The following EYS variants were observed in gnomAD, a reference collection of about 807,000 sequenced individuals.
EYS encodes EGF-like photoreceptor maintenance factor, also known as protein eyes shut homolog.
Under a neutral mutation model 282.1 loss-of-function variants are expected in EYS, and 250 were observed. The observed-to-expected ratio is 0.89, with a 90% CI of 0.80 to 0.98. The LOEUF (loss-of-function observed/expected upper bound fraction) is 0.98. Ranked by LOEUF, EYS falls within the 50% of genes least tolerant of loss-of-function variation. EYS has a pLI of 0.00. For synonymous variants in EYS, 1,355 were observed against 1,282.9 expected (o/e 1.06, Z -1.20); for missense variants, 4,016 against 3,709.0 (o/e 1.08, Z -2.15).
At chr6:64,495,698 C>T (rs986551670) in intron 26 of EYS, among the ~76,000 whole-genome samples, 7 of 151,732 alleles carry the variant, frequency 4.6e-5, no homozygotes, top group African/African-American at 7.2e-5. Context: ...TAGAGTAAGA[C>T]GTTAAACCTT....
At chr6:64,562,512 A>T (rs2149812578) in intron 26 of EYS, among the ~76,000 whole-genome samples, 1 of 152,016 alleles carries the variant, frequency 6.6e-6, no homozygotes, top group South Asian at 2.1e-4. Flanking sequence ...ATTATGGAAA[A>T]AATTTGGTTT....
intron 2 of EYS, among the ~76,000 whole-genome samples, chr6:65,496,478 C>T (rs1280356635): frequency 6.6e-6 from 1 of 151,858 alleles, no homozygotes; most frequent in Non-Finnish European, 1.5e-5. Flanking sequence ...CAATTAAACT[C>T]AAATTTTGAG....
intron 29 of EYS, among the ~76,000 whole-genome samples, chr6:64,344,320 C>A (rs1051228955): frequency 6.6e-6 from 1 of 151,884 alleles, no homozygotes. Flanking sequence ...AAAATACTGG[C>A]AAACCGAATC....
intron 2 of EYS, among the ~76,000 whole-genome samples, chr6:65,564,309 T>C (rs1394891111): frequency 6.6e-6 from 1 of 152,150 alleles, no homozygotes; most frequent in Non-Finnish European, 1.5e-5. Context: ...AGAGCCCATA[T>C]AGCCAAGACA....
In EYS at chr6:64,464,960, G is replaced by A. The variant is rs565352887; in HGVS notation, c.5645-25608C>T. On this transcript the variant is annotated intron_variant, in intron 26 of 42. Transcript: ENST00000503581. ...TAAAACTATCATTTAAAAATAAAAC[G>A]AAAAATAATTCAAGAGAACAATTCT... Among the ~76,000 whole-genome samples, 90 of 151,296 alleles carry A rather than the reference G, an allele frequency of 5.9e-4. 2 individuals are homozygous for A. The South Asian group carries it at 0.018, about 30-fold the overall frequency.
chr6:64,451,683 C>T (rs376927529), intron 26 of EYS, among the ~76,000 whole-genome samples: 72 of 152,162 alleles, frequency 4.7e-4, no homozygotes, highest in Non-Finnish European at 3.4e-4. Flanking sequence ...GCTTCATCCC[C>T]GGGATGCAAG....
rs773309894 is a variant in EYS at position 65,577,746 on chromosome 6, GT to G, written c.-333+62031del. Among the ~76,000 whole-genome samples the G allele has an allele frequency of 6.6e-3, 549 of 83,360 alleles. 4 individuals carry two copies. Among genetic ancestry groups the G allele is most frequent in the African/African-American group, 0.022 (514 of 22,892 alleles). The allele number at this position is 83,360 out of a possible 152,430, so 54.7% of individuals were successfully genotyped here. A position where few individuals can be genotyped will look rare whatever the true frequency, so the allele number is the denominator to read the frequency against. On this transcript the variant is annotated intron_variant, in intron 2 of 42. Coordinates refer to ENST00000503581, the MANE Select transcript of EYS (RefSeq NM_001142800.2). ...ATAATATTAATAATAATAAAAGCCT[GT>G]TTTAAAAAAAAAAAAAATGGACAAA...
chr6:64,785,676 C>A (rs1470798531), intron 22 of EYS, among the ~76,000 whole-genome samples: 1 of 152,134 alleles, frequency 6.6e-6, no homozygotes, highest in Non-Finnish European at 1.5e-5. Flanking sequence ...GTATCATAAC[C>A]TGATAGCTAC....
At chr6:64,692,899 T>C (rs1380858817) in intron 22 of EYS, among the ~76,000 whole-genome samples, 2 of 151,478 alleles carry the variant, frequency 1.3e-5, no homozygotes, top group Non-Finnish European at 2.9e-5. Context: ...AGCTGCTCTG[T>C]AGTACAGCTT....
chr6:65,089,943 C>CAAA (rs376305956), intron 12 of EYS, among the ~76,000 whole-genome samples: 27 of 77,850 alleles, frequency 3.5e-4, no homozygotes, highest in African/African-American at 9.1e-4. Context: ...GGCAAGAAAG[C>CAAA]AAAAAAAAAA....
At chr6:65,677,294 G>C (rs1386040008) in intron 1 of EYS, among the ~76,000 whole-genome samples, 1 of 151,552 alleles carries the variant, frequency 6.6e-6, no homozygotes, top group Non-Finnish European at 1.5e-5. Context: ...TATTCACATA[G>C]GATATGACCT....
intron 2 of EYS, among the ~76,000 whole-genome samples, chr6:65,618,092 G>A (rs1253107451): frequency 5.9e-5 from 9 of 152,136 alleles, no homozygotes; most frequent in Admixed American, 5.9e-4. Flanking sequence ...TGGGTCAAAT[G>A]GTATTTCTAG....
At chr6:65,472,772 T>C (rs1765261593) in intron 5 of EYS, among the ~76,000 whole-genome samples, 1 of 152,084 alleles carries the variant, frequency 6.6e-6, no homozygotes, top group South Asian at 2.1e-4. Flanking sequence ...AGGCATATTT[T>C]ATTTAAAACT....
chr6:65,534,575 G>T (rs1032392932), intron 2 of EYS, among the ~76,000 whole-genome samples: 1 of 152,058 alleles, frequency 6.6e-6, no homozygotes, highest in African/African-American at 2.4e-5. Context: ...GCACTTCATT[G>T]ACTGACGGCT....
chr6:65,389,914 T>A (rs1317381487), intron 7 of EYS, among the ~76,000 whole-genome samples: 5 of 152,198 alleles, frequency 3.3e-5, no homozygotes, highest in African/African-American at 1.2e-4. Flanking sequence ...GTATGTTTTT[T>A]AAAAGAAAAT....
At chr6:65,443,111 G>A (rs1354276327) in intron 5 of EYS, among the ~76,000 whole-genome samples, 1 of 150,704 alleles carries the variant, frequency 6.6e-6, no homozygotes, top group Non-Finnish European at 1.5e-5. Flanking sequence ...ATACATATAT[G>A]TGGATCATAT....
intron 33 of EYS, among the ~76,000 whole-genome samples, chr6:64,003,408 A>G (rs79149453): frequency 0.031 from 4,774 of 152,310 alleles, 245 homozygotes; most frequent in African/African-American, 0.11. Flanking sequence ...ACTATAGTCA[A>G]TAACAACTTA....
Position 65,502,913 on chromosome 6 carries a change from T to G in EYS, c.-332-6920A>C, listed in dbSNP as rs559709751. Among the ~76,000 whole-genome samples the G allele has an allele frequency of 1.1e-4, 17 of 151,836 alleles. No individual in the cohort carries two copies. The East Asian group carries it at 3.3e-3, about 29-fold the overall frequency. On this transcript the variant is annotated intron_variant, in intron 2 of 42. Coordinates refer to ENST00000503581, the MANE Select transcript of EYS (RefSeq NM_001142800.2). Reference sequence around the variant, plus strand: ...GGTATATAAGTAGTCACCATTAATGTTAACCTTGATCACCTGTCTTGAGGT... The same window carrying G: ...GGTATATAAGTAGTCACCATTAATGGTAACCTTGATCACCTGTCTTGAGGT...
chr6:65,495,726 G>A, intron 3 of EYS, 119 bp from the exon 4 acceptor site: 1 of 378,290 alleles, frequency 2.6e-6, no homozygotes, highest in Non-Finnish European at 4.8e-6. Context: ...AGTGTCACCA[G>A]CAGCTGGGGA....
Sources: gnomAD v4.1 joint callset for allele counts (sites outside exome capture counted in the v4.1 genomes callset) on GRCh38, gnomAD v4.1.1 for gene constraint, MANE v1.5 for transcripts, NCBI Gene and HGNC (gene_info 2026-07-23, HGNC 2026-07-21) for gene names.